TUBB8B: variants seen among roughly 807,000 people sequenced by gnomAD.
TUBB8B encodes HSA18p11 beta-tubulin 4Q pseudogene.
TUBB8B carries 26 observed loss-of-function variants against 31.9 expected under a neutral mutation model. The observed-to-expected ratio is 0.81, with a 90% CI of 0.60 to 1.13. The LOEUF (loss-of-function observed/expected upper bound fraction) is 1.13. Among genes scored for constraint, TUBB8B ranks in the 50% most tolerant of loss-of-function variants. The probability of loss-of-function intolerance (pLI) is 0.00; values close to 1 mark genes in which losing one functional copy is unlikely to be tolerated. For synonymous variants in TUBB8B, 173 were observed against 231.0 expected (o/e 0.75, Z 2.28); for missense variants, 467 against 586.7 (o/e 0.80, Z 2.11).
At chr18:49,646 T>C (rs1263050968), upstream of TUBB8B, 110 of 724,468 alleles carry the variant, frequency 1.5e-4, 1 homozygote, top group Non-Finnish European at 2.4e-4. Context: ...AACGCTTAAA[T>C]AGCCCCGCGT....
chr18:62,476 T>C, the TUBB8B span, among the ~76,000 whole-genome samples: 9 of 150,478 alleles, frequency 6.0e-5, no homozygotes, highest in African/African-American at 1.9e-4. Flanking sequence ...TGGAGTGCAA[T>C]GGCGTGATCT....
At chr18:53,463 TATTA>T (rs533120372), upstream of TUBB8B, among the ~76,000 whole-genome samples, 12 of 151,928 alleles carry the variant, frequency 7.9e-5, no homozygotes, top group South Asian at 2.1e-3. Flanking sequence ...GATTTTTATT[TATTA>T]ATTATTATCA....
chr18:53,102 A>G (rs1387851479), upstream of TUBB8B, among the ~76,000 whole-genome samples: 5 of 151,886 alleles, frequency 3.3e-5, no homozygotes, highest in East Asian at 5.8e-4. Flanking sequence ...TGTGGCCAGT[A>G]AAAAAATGTG....
At chr18:59,416 T>G in the TUBB8B span, among the ~76,000 whole-genome samples, 13 of 151,722 alleles carry the variant, frequency 8.6e-5, no homozygotes, top group Non-Finnish European at 1.6e-4. Context: ...CTGTCATATA[T>G]GACTTTTATT....
chr18:72,342 T>C, the TUBB8B span, among the ~76,000 whole-genome samples: 24,645 of 130,670 alleles, frequency 0.19, no homozygotes, highest in African/African-American at 0.32. Context: ...ATTAATTTTA[T>C]GGTATCATGT....
chr18:50,682 G>C (rs112267198), upstream of TUBB8B: 1 of 151,864 alleles, frequency 6.6e-6, no homozygotes, highest in Non-Finnish European at 1.5e-5. Context: ...AGCCTGAGGG[G>C]CCCTGGACTG....
chr18:68,443 T>A, the TUBB8B span, among the ~76,000 whole-genome samples: 3 of 152,216 alleles, frequency 2.0e-5, no homozygotes, highest in Admixed American at 6.5e-5. Flanking sequence ...CCATTTGGAT[T>A]GGGTTTTCCT....
At chr18:50,736 C>G (rs201301312), upstream of TUBB8B, among the ~76,000 whole-genome samples, 1 of 132,174 alleles carries the variant, frequency 7.6e-6, no homozygotes, top group Non-Finnish European at 1.6e-5. Context: ...CAGGGTATTC[C>G]GGCCCAGTTC....
the TUBB8B span, among the ~76,000 whole-genome samples, chr18:62,898 T>C: frequency 6.6e-6 from 1 of 151,802 alleles, no homozygotes; most frequent in Admixed American, 6.6e-5. Context: ...AAATCTATCT[T>C]CTCCTTGATC....
the TUBB8B span, among the ~76,000 whole-genome samples, chr18:54,683 A>G: frequency 6.6e-6 from 1 of 151,950 alleles, no homozygotes; most frequent in African/African-American, 2.4e-5. Flanking sequence ...TTTCAGTTCC[A>G]TTTCTGTTAC....
chr18:64,059 C>T, the TUBB8B span, among the ~76,000 whole-genome samples: 3 of 151,698 alleles, frequency 2.0e-5, no homozygotes, highest in East Asian at 3.9e-4. Flanking sequence ...AAAACCCTAA[C>T]CCCAACCCCA....
At chr18:72,196 A>AAAAAAAAAAC in the TUBB8B span, among the ~76,000 whole-genome samples, 349 of 84,382 alleles carry the variant, frequency 4.1e-3, 25 homozygotes, top group East Asian at 0.011. Flanking sequence ...AAAAAAAAAA[A>AAAAAAAAAAC]AAAGGAAAAA....
chr18:60,887 T>C, the TUBB8B span, among the ~76,000 whole-genome samples: 1 of 151,874 alleles, frequency 6.6e-6, no homozygotes, highest in East Asian at 1.9e-4. Flanking sequence ...TGGTCTATCC[T>C]TGAAAATAAC....
the TUBB8B span, among the ~76,000 whole-genome samples, chr18:62,926 C>G: frequency 4.0e-5 from 6 of 151,686 alleles, no homozygotes; most frequent in African/African-American, 1.5e-4. Context: ...TTAAGTAACT[C>G]TGATGCATTC....
chr18:48,765 C>T, intron 3 of TUBB8B, 175 bp downstream of exon 3: 1 of 710,188 alleles, frequency 1.4e-6, no homozygotes, highest in Non-Finnish European at 2.6e-6. Context: ...TGAGGAGACA[C>T]CGGGGCCTTC....
At chr18:70,511 T>C in the TUBB8B span, among the ~76,000 whole-genome samples, 2 of 152,136 alleles carry the variant, frequency 1.3e-5, no homozygotes, top group East Asian at 1.9e-4. Context: ...TGGCGCACAC[T>C]TGTAGTCCCA....
At chr18:65,430 C>G in the TUBB8B span, among the ~76,000 whole-genome samples, 470 of 152,196 alleles carry the variant, frequency 3.1e-3, 3 homozygotes, top group Non-Finnish European at 3.4e-3. Context: ...CATACTAAAG[C>G]CATCACTGCA....
chr18:50,583 A>G (rs1906052487), upstream of TUBB8B: 1 of 152,220 alleles, frequency 6.6e-6, no homozygotes, highest in Admixed American at 6.5e-5. Context: ...AGAAACAAAG[A>G]ATCCCTTCTA....
At position 47,771 on chromosome 18, in the gene TUBB8B, C is replaced by A; in HGVS notation, c.954G>T (p.Arg318Ser). 6.2e-7 allele frequency: 1 copy of A among 1,611,574 alleles called. No individual in the cohort carries two copies. The highest frequency in any genetic ancestry group is 1.3e-5 in the African/African-American group (1 of 74,996). Residue 318 changes from arginine to serine, a missense_variant, in exon 4 of 4, where the codon AGG (arginine) becomes AGT (serine). Coordinates refer to ENST00000308911, the MANE Select transcript of TUBB8B (RefSeq NM_001358689.2). ...CCACCTCCCTCATGGGCATGCGACCCCTGAAAATGGCAGCCACCGTTAGGT... is the reference window on the plus strand; with the variant it reads ...CCACCTCCCTCATGGGCATGCGACCACTGAAAATGGCAGCCACCGTTAGGT... ...GCYLTVAAIF[R>S]GRMPMREVDE...
Sources: gnomAD v4.1 joint callset for allele counts (sites outside exome capture counted in the v4.1 genomes callset) on GRCh38, gnomAD v4.1.1 for gene constraint, MANE v1.5 for transcripts, NCBI Gene and HGNC (gene_info 2026-07-23, HGNC 2026-07-21) for gene names.